Variants in LRRC37A2 observed in about 807,000 individuals in gnomAD.
LRRC37A2 encodes the protein leucine rich repeat containing 37 member A2, also known as leucine-rich repeat-containing protein 37A2.
Under a neutral mutation model 68.8 loss-of-function variants are expected in LRRC37A2, and 9 were observed. The observed-to-expected ratio is 0.13, with a 90% CI of 0.08 to 0.23. LRRC37A2 has a LOEUF of 0.23. Among genes scored for constraint, LRRC37A2 ranks in the 10% least tolerant of loss-of-function variants. LRRC37A2 has a pLI of 1.00. For synonymous variants in LRRC37A2, 63 were observed against 367.6 expected (o/e 0.17, Z 9.48); for missense variants, 168 against 950.4 (o/e 0.18, Z 10.82).
At chr17:46,948,751 G>A in the LRRC37A2 span, 1 of 152,242 alleles carries the variant, frequency 6.6e-6, no homozygotes, top group Non-Finnish European at 1.5e-5. Context: ...TAAGAACTGT[G>A]GATGTGGGGC....
At chr17:46,774,674 G>A in the LRRC37A2 span, among the ~76,000 whole-genome samples, 7 of 152,212 alleles carry the variant, frequency 4.6e-5, no homozygotes, top group East Asian at 3.9e-4. Flanking sequence ...TCTGCCCCTC[G>A]CTTTGTAATC....
At chr17:46,761,064 T>A in the LRRC37A2 span, among the ~76,000 whole-genome samples, 1 of 151,990 alleles carries the variant, frequency 6.6e-6, no homozygotes, top group Non-Finnish European at 1.5e-5. Context: ...AAAAGAAAAA[T>A]AAAAAGTCGA....
chr17:47,040,607 A>G, the LRRC37A2 span, among the ~76,000 whole-genome samples: 1 of 100,142 alleles, frequency 1.0e-5, no homozygotes, highest in Non-Finnish European at 2.1e-5. Context: ...CGATCAGCTA[A>G]TGATTAAATG....
At chr17:46,804,234 C>T in the LRRC37A2 span, among the ~76,000 whole-genome samples, 1 of 152,018 alleles carries the variant, frequency 6.6e-6, no homozygotes, top group East Asian at 1.9e-4. Flanking sequence ...ACTACAGGTG[C>T]GTGCCACCAC....
the LRRC37A2 span, among the ~76,000 whole-genome samples, chr17:46,569,336 T>C: frequency 6.7e-6 from 1 of 149,754 alleles, no homozygotes; most frequent in African/African-American, 2.5e-5. Flanking sequence ...GATGTTATAA[T>C]AGCATGAAGA....
the LRRC37A2 span, among the ~76,000 whole-genome samples, chr17:47,033,584 T>C: frequency 6.6e-6 from 1 of 152,198 alleles, no homozygotes; most frequent in Non-Finnish European, 1.5e-5. Context: ...GCTTTGGACA[T>C]TTTTTCAGCT....
At chr17:46,856,065 A>G in the LRRC37A2 span, among the ~76,000 whole-genome samples, 1 of 152,158 alleles carries the variant, frequency 6.6e-6, no homozygotes, top group Non-Finnish European at 1.5e-5. Context: ...TTTAAATCAT[A>G]ATTAACTTTG....
chr17:46,943,424 T>C, the LRRC37A2 span, among the ~76,000 whole-genome samples: 3 of 152,074 alleles, frequency 2.0e-5, no homozygotes, highest in Non-Finnish European at 2.9e-5. Flanking sequence ...TCTCAGAACA[T>C]GCCACACACT....
chr17:46,516,284 C>CA, intron 2 of LRRC37A2, among the ~76,000 whole-genome samples: 1 of 111,930 alleles, frequency 8.9e-6, no homozygotes, highest in Non-Finnish European at 2.0e-5. Context: ...GCCTGGGCGA[C>CA]AGAGCAAGAC....
the LRRC37A2 span, among the ~76,000 whole-genome samples, chr17:46,583,570 C>T: frequency 3.8e-5 from 3 of 79,524 alleles, 1 homozygote; most frequent in Admixed American, 2.6e-4. Flanking sequence ...GCTGGGATTA[C>T]AGGCGTGAGC....
At chr17:46,533,188 AAGG>A (rs1226163658) in intron 6 of LRRC37A2, among the ~76,000 whole-genome samples, 3 of 100,870 alleles carry the variant, frequency 3.0e-5, no homozygotes, top group South Asian at 3.5e-4. Flanking sequence ...GAGGCCAAGG[AAGG>A]AGGATTGCTT....
At chr17:46,832,462 C>A in the LRRC37A2 span, among the ~76,000 whole-genome samples, 1 of 152,050 alleles carries the variant, frequency 6.6e-6, no homozygotes, top group African/African-American at 2.4e-5. Flanking sequence ...CCTGCCAGGC[C>A]TGTTGCCAGG....
chr17:46,770,138 A>G, the LRRC37A2 span: 1 of 1,446,030 alleles, frequency 6.9e-7, no homozygotes. Context: ...CGTGAGGGGA[A>G]CGAGGCCAGG....
At chr17:46,776,316 C>T in the LRRC37A2 span, among the ~76,000 whole-genome samples, 10 of 152,218 alleles carry the variant, frequency 6.6e-5, no homozygotes, top group Admixed American at 2.0e-4. Context: ...GATGGGCACA[C>T]GGCGCACACA....
At chr17:46,872,656 G>A in the LRRC37A2 span, 40 of 1,613,572 alleles carry the variant, frequency 2.5e-5, no homozygotes, top group Middle Eastern at 3.4e-4. Flanking sequence ...GAGGGAGCCC[G>A]GCCTGGCTGA....
At chr17:46,804,647 A>G in the LRRC37A2 span, among the ~76,000 whole-genome samples, 2 of 152,242 alleles carry the variant, frequency 1.3e-5, no homozygotes, top group Non-Finnish European at 2.9e-5. Flanking sequence ...AAAGGTGAGT[A>G]GAGGATGGGT....
chr17:46,929,769 C>G, the LRRC37A2 span: 1 of 590,240 alleles, frequency 1.7e-6, no homozygotes, highest in Non-Finnish European at 3.1e-6. Flanking sequence ...CCTTTGGAAT[C>G]CCACAAGTCT....
the LRRC37A2 span, among the ~76,000 whole-genome samples, chr17:46,902,155 A>G: frequency 2.0e-5 from 3 of 152,092 alleles, no homozygotes; most frequent in African/African-American, 7.2e-5. Flanking sequence ...GTGTTGACCC[A>G]ATGAGGTGAG....
chr17:46,550,081 G>C (rs1272955743), intron 10 of LRRC37A2, among the ~76,000 whole-genome samples: 2 of 11,226 alleles, frequency 1.8e-4, no homozygotes, highest in African/African-American at 7.6e-4. Context: ...TTTGGGAGGC[G>C]AAGGTGGGTG....
Sources: gnomAD v4.1 joint callset for allele counts (sites outside exome capture counted in the v4.1 genomes callset) on GRCh38, gnomAD v4.1.1 for gene constraint, MANE v1.5 for transcripts, NCBI Gene and HGNC (gene_info 2026-07-23, HGNC 2026-07-21) for gene names.